Variants in FNBP1 observed in about 807,000 individuals in gnomAD.
The protein encoded by FNBP1 is formin-binding protein 1.
Under a neutral mutation model 90.6 loss-of-function variants are expected in FNBP1, and 26 were observed. That is an observed-to-expected ratio of 0.29 (90% CI 0.21 to 0.40). The LOEUF (loss-of-function observed/expected upper bound fraction) is 0.40, where lower values mean the gene tolerates loss of function less well. FNBP1 is among the 10% of genes least tolerant of loss of function. The pLI, the probability that FNBP1 is intolerant of heterozygous loss-of-function variation, is 1.00. For missense variants in FNBP1, 635 were observed against 768.0 expected (o/e 0.83, Z 2.05); for synonymous variants, 260 against 265.2 (o/e 0.98, Z 0.19).
chr9:129,917,583 C>T (rs2040456429), intron 10 of FNBP1, among the ~76,000 whole-genome samples: 1 of 152,154 alleles, frequency 6.6e-6, no homozygotes, highest in South Asian at 2.1e-4. Flanking sequence ...GATCCACCCA[C>T]CCCAGCCTTC....
chr9:130,012,216 AGG>A (rs2056701484), intron 1 of FNBP1, among the ~76,000 whole-genome samples: 1 of 152,332 alleles, frequency 6.6e-6, no homozygotes, highest in East Asian at 1.9e-4. Context: ...TTTGACTACT[AGG>A]TATGCCACAT....
At chr9:130,045,542 A>G (rs1268813761), upstream of FNBP1, among the ~76,000 whole-genome samples, 1 of 152,200 alleles carries the variant, frequency 6.6e-6, no homozygotes, top group African/African-American at 2.4e-5. Flanking sequence ...CAGAAGAAAA[A>G]AAGAGACCAC....
At chr9:129,970,196 C>T (rs1382880034) in intron 4 of FNBP1, among the ~76,000 whole-genome samples, 2 of 151,082 alleles carry the variant, frequency 1.3e-5, no homozygotes, top group Non-Finnish European at 3.0e-5. Flanking sequence ...TGAGCCACTG[C>T]GCCTGGCCTT....
intron 4 of FNBP1, among the ~76,000 whole-genome samples, chr9:129,961,393 C>T (rs143498258): frequency 1.3e-5 from 2 of 152,134 alleles, no homozygotes; most frequent in Admixed American, 6.5e-5. Flanking sequence ...GCTTAGGGAG[C>T]GGTCTGTACT....
At chr9:129,944,566 AG>A (rs2044914631) in intron 6 of FNBP1, among the ~76,000 whole-genome samples, 1 of 150,858 alleles carries the variant, frequency 6.6e-6, no homozygotes, top group African/African-American at 2.4e-5. Flanking sequence ...AGTAGACTAA[AG>A]GGTAAGAGAT....
intron 12 of FNBP1, 132 bp downstream of exon 12, chr9:129,908,758 G>A: frequency 1.7e-6 from 1 of 604,338 alleles, no homozygotes; most frequent in South Asian, 1.9e-5. Context: ...TCACCATGTA[G>A]GCCAGGATGG....
chr9:129,947,447 A>AAAAAAAAAAAAG (rs2045485640), intron 6 of FNBP1, among the ~76,000 whole-genome samples: 1 of 151,740 alleles, frequency 6.6e-6, no homozygotes. Flanking sequence ...TCTCAAAAAA[A>AAAAAAAAAAAAG]AAAAAGAAAA....
At chr9:129,899,718 G>A (rs115414521) in intron 15 of FNBP1, among the ~76,000 whole-genome samples, 9,443 of 145,350 alleles carry the variant, frequency 0.065, 1,033 homozygotes, top group African/African-American at 0.23. Flanking sequence ...AAGAGAGCGA[G>A]ACCCTGTATG....
At chr9:129,909,483 GC>G (rs1355523672) in intron 11 of FNBP1, among the ~76,000 whole-genome samples, 17 of 152,044 alleles carry the variant, frequency 1.1e-4, no homozygotes, top group African/African-American at 3.6e-4. Context: ...ACAGGCTGAG[GC>G]CAAAAGTCTC....
chr9:129,970,793 C>T (rs1196309146), intron 4 of FNBP1, among the ~76,000 whole-genome samples: 2 of 152,154 alleles, frequency 1.3e-5, no homozygotes, highest in Non-Finnish European at 2.9e-5. Flanking sequence ...CCTAAAGAGA[C>T]AGATGCAGGC....
rs541597740 is a variant in FNBP1 at position 129,900,505 on chromosome 9, C to T, written c.1471G>A (p.Glu491Lys). 69 of 1,597,478 alleles carry T rather than the reference C, an allele frequency of 4.3e-5. No individual in the cohort carries two copies. In the East Asian group the frequency reaches 1.3e-3, roughly 29 times the overall value. The stretch of plus-strand genomic sequence containing the variant: ...AGTCCGCTCTGCCGGCGCGCCTGCT[C>T]GCTGCGTGCTGGGAGCCGGCCTTCA... ...EVEGRLPARS[E>K]QARRQSGLYD... Residue 491 changes from glutamate (E) to lysine (K), a missense_variant, in exon 14 of 17, where the codon GAG becomes AAG. By Grantham distance (56) the Glu-to-Lys change is moderately conservative. Transcript: ENST00000446176. This position sits in a 1 kb window ranked among gnomAD's most constrained non-coding sequence, Gnocchi z 4.1.
chr9:130,051,685 C>T, the FNBP1 span, among the ~76,000 whole-genome samples: 1 of 152,078 alleles, frequency 6.6e-6, no homozygotes, highest in Non-Finnish European at 1.5e-5. Context: ...CATACTGGCG[C>T]ACACCTGTGG....
At chr9:130,032,866 T>C (rs2058926135) in intron 1 of FNBP1, among the ~76,000 whole-genome samples, 1 of 152,202 alleles carries the variant, frequency 6.6e-6, no homozygotes. Flanking sequence ...GAGTGGATTT[T>C]ATTTTTCTTC....
chr9:129,912,844 G>A (rs2039572897), intron 11 of FNBP1, among the ~76,000 whole-genome samples: 1 of 152,226 alleles, frequency 6.6e-6, no homozygotes, highest in Non-Finnish European at 1.5e-5. Flanking sequence ...CAGAAGCCAT[G>A]TGTGGCTGTG....
chr9:130,050,785 T>G, the FNBP1 span, among the ~76,000 whole-genome samples: 1 of 150,626 alleles, frequency 6.6e-6, no homozygotes, highest in Non-Finnish European at 1.5e-5. Flanking sequence ...GGACTACAGG[T>G]GCGTGTCACC....
chr9:129,991,024 C>T (rs1218945448), intron 2 of FNBP1, among the ~76,000 whole-genome samples: 2 of 149,994 alleles, frequency 1.3e-5, no homozygotes. Flanking sequence ...ACTTCTGCCT[C>T]CTGGGTTCAA....
intron 11 of FNBP1, among the ~76,000 whole-genome samples, chr9:129,912,704 A>G (rs988264185): frequency 1.9e-4 from 29 of 151,534 alleles, no homozygotes; most frequent in African/African-American, 7.0e-4. Flanking sequence ...AAAAAAAAAA[A>G]AAAAAGTCAC....
intron 16 of FNBP1, among the ~76,000 whole-genome samples, chr9:129,893,624 A>AAAAAAAAAAAAAAAAAAAAAAAAAAAC (rs2035338603): frequency 7.6e-6 from 1 of 131,352 alleles, no homozygotes; most frequent in Non-Finnish European, 1.6e-5. Context: ...AAAAAAAAAA[A>AAAAAAAAAAAAAAAAAAAAAAAAAAAC]AAAAAAAAAA....
intron 16 of FNBP1, among the ~76,000 whole-genome samples, chr9:129,895,085 C>A (rs368490433): frequency 6.6e-6 from 1 of 152,030 alleles, no homozygotes; most frequent in Non-Finnish European, 1.5e-5. Context: ...AACACAACAA[C>A]AAAAACCTGT....
Sources: allele counts gnomAD v4.1 joint callset (sites outside exome capture counted in the v4.1 genomes callset), GRCh38; gene constraint gnomAD v4.1.1; non-coding constraint Gnocchi (gnomAD v3.1); transcripts MANE v1.5; gene names NCBI Gene and HGNC (gene_info 2026-07-23, HGNC 2026-07-21).